NEO1: variants seen among roughly 807,000 people sequenced by gnomAD.
The protein encoded by NEO1 is neogenin 1.
NEO1 carries 63 observed loss-of-function variants against 159.7 expected under a neutral mutation model. The ratio of observed to expected loss-of-function variants is 0.39; its 90% confidence interval spans 0.32 to 0.49. NEO1 has a LOEUF of 0.49. NEO1 is among the 20% of genes least tolerant of loss of function. NEO1 has a pLI of 0.85. For synonymous variants in NEO1, 633 were observed against 662.0 expected, an observed-to-expected ratio of 0.96 and a Z score of 0.67; for missense variants, 1,615 against 1,831.0, an observed-to-expected ratio of 0.88 and a Z score of 2.15.
intron 16 of NEO1, among the ~76,000 whole-genome samples, chr15:73,268,516 A>G (rs1471333081): frequency 2.0e-5 from 3 of 152,230 alleles, no homozygotes; most frequent in Admixed American, 2.0e-4. Context: ...TCTTGGTTAT[A>G]TAATGTATGC....
chr15:73,220,624 T>A (rs1159219536), intron 7 of NEO1, among the ~76,000 whole-genome samples: 2 of 152,204 alleles, frequency 1.3e-5, no homozygotes, highest in African/African-American at 4.8e-5. Flanking sequence ...GATTTGTTCG[T>A]TTCTTTTTAT....
intron 7 of NEO1, among the ~76,000 whole-genome samples, chr15:73,206,831 G>T (rs1378674608): frequency 2.6e-5 from 1 of 39,116 alleles, no homozygotes; most frequent in Non-Finnish European, 1.1e-4. Flanking sequence ...TCGTGTGTGT[G>T]TGTATGTGTG....
At chr15:73,288,931 T>C in intron 24 of NEO1, 1 of 572,344 alleles carries the variant, frequency 1.7e-6, no homozygotes, top group Non-Finnish European at 3.1e-6. Context: ...CTGTGAAGTA[T>C]GGTGGGCAGC....
intron 5 of NEO1, among the ~76,000 whole-genome samples, chr15:73,174,837 A>G (rs2035190697): frequency 6.6e-6 from 1 of 152,226 alleles, no homozygotes; most frequent in African/African-American, 2.4e-5. Context: ...CATTGTTTGA[A>G]AGGATCAAGT....
Position 73,305,021 on chromosome 15 carries a change from G to A in NEO1, c.*2325G>A, listed in dbSNP as rs1187746671. 2.0e-5 allele frequency: 3 copies of A among 152,134 alleles called. No individual in the cohort carries two copies. Among genetic ancestry groups the A allele is most frequent in the Non-Finnish European group, 4.4e-5 (3 of 68,064 alleles). 9.4% of individuals were successfully genotyped at this position (152,134 alleles called of 1,614,324 possible). A position where few individuals can be genotyped will look rare whatever the true frequency, so the allele number is the denominator to read the frequency against. On this transcript the variant is annotated 3_prime_UTR_variant, in exon 29 of 29. Coordinates refer to ENST00000261908, the MANE Select transcript of NEO1 (RefSeq NM_002499.4). Reference sequence around the variant, plus strand: ...CTCAGCAGCTTCCTCGGGGGGATTTGGAACACCTGTGTCTGTCGCCGCACT... The same window carrying A: ...CTCAGCAGCTTCCTCGGGGGGATTTAGAACACCTGTGTCTGTCGCCGCACT...
chr15:73,062,023 A>G (rs1477874139), intron 1 of NEO1, among the ~76,000 whole-genome samples: 1 of 152,258 alleles, frequency 6.6e-6, no homozygotes, highest in Non-Finnish European at 1.5e-5. Context: ...CACATGTGCA[A>G]GTAAACCATA....
chr15:73,051,948 G>C (rs945994259), upstream of NEO1: 1 of 152,496 alleles, frequency 6.6e-6, no homozygotes, highest in Admixed American at 6.5e-5. Context: ...TGAGCTCGGA[G>C]CGCCTCTCGC....
rs376957301 is a variant in NEO1, at chr15:73,270,369, A to G, written c.2772A>G (p.Thr924=). Residue 924 remains threonine, a synonymous_variant, in exon 18 of 29, where the codon ACA becomes ACG. Coordinates refer to ENST00000261908, the MANE Select transcript of NEO1 (RefSeq NM_002499.4). ...SYLVTGLKPN[T]LYEFSVMVTK... ...TGGTGACTGGTTTAAAGCCGAATAC[A>G]CTCTATGAATTCTCTGTGATGGTGA... The G allele has an allele frequency of 9.3e-6, 15 of 1,614,058 alleles. No homozygotes were observed. Among genetic ancestry groups the G allele is most frequent in the Admixed American group, 6.7e-5 (4 of 60,008 alleles).
intron 1 of NEO1, among the ~76,000 whole-genome samples, chr15:73,100,510 T>C (rs1005424458): frequency 6.6e-6 from 1 of 152,052 alleles, no homozygotes; most frequent in Non-Finnish European, 1.5e-5. Context: ...GATTTTTGTA[T>C]TTTTTGTAGA....
chr15:73,094,143 T>A (rs2069863423), intron 1 of NEO1, among the ~76,000 whole-genome samples: 1 of 152,204 alleles, frequency 6.6e-6, no homozygotes, highest in African/African-American at 2.4e-5. Context: ...GCTTTTGATA[T>A]ATTCACAGAT....
chr15:73,274,792 GTTTCT>G, intron 21 of NEO1, 68 bp downstream of exon 21: 1 of 1,210,752 alleles, frequency 8.3e-7, no homozygotes, highest in Non-Finnish European at 1.1e-6. Context: ...TTTGGTTTTT[GTTTCT>G]TTTTTTTTTT....
In NEO1 at chr15:73,232,576, G is replaced by A. The variant is rs2038965244; in HGVS notation, c.1292-3771G>A. Among the ~76,000 whole-genome samples the A allele has an allele frequency of 2.0e-5, 3 of 152,200 alleles. 1 individual carries two copies. The highest frequency in any genetic ancestry group is 2.0e-4 in the Admixed American group (3 of 15,280). ...CAGGTTTCATCTGCCGGGGGTGTGT[G>A]AGTGGCTTGGGCCTGCTGCAGTCCC... On this transcript the variant is annotated intron_variant, in intron 7 of 28. Transcript: ENST00000261908.
rs894248317 is a variant in NEO1 at position 73,138,769 on chromosome 15, A to C, written c.1015+2742A>C. Among the ~76,000 whole-genome samples, 7 of 150,634 alleles carry C rather than the reference A, an allele frequency of 4.6e-5. No individual in the cohort carries two copies. In the South Asian group the frequency reaches 8.4e-4, roughly 18 times the overall value. ...AGACTCCGTCTCAAAAAAAAAAAAAAAACAAAAAAACAAAAAAACAAAGGG... is the reference window on the plus strand; with the variant it reads ...AGACTCCGTCTCAAAAAAAAAAAAACAACAAAAAAACAAAAAAACAAAGGG... On this transcript the variant is annotated intron_variant, in intron 5 of 28. Transcript: ENST00000261908.
chr15:73,263,272 C>T (rs553980631), intron 15 of NEO1, among the ~76,000 whole-genome samples: 93 of 151,154 alleles, frequency 6.2e-4, no homozygotes, highest in Non-Finnish European at 5.7e-4. Context: ...CAGCTCACTG[C>T]AACCTCCACC....
chr15:73,170,255 T>A (rs1224187358), intron 5 of NEO1, among the ~76,000 whole-genome samples: 1 of 152,206 alleles, frequency 6.6e-6, no homozygotes, highest in Non-Finnish European at 1.5e-5. Context: ...AGATGTTTAT[T>A]CTGAGACTAT....
At chr15:73,111,982 T>TG (rs2071020836) in intron 1 of NEO1, among the ~76,000 whole-genome samples, 3 of 152,118 alleles carry the variant, frequency 2.0e-5, no homozygotes, top group Non-Finnish European at 4.4e-5. Flanking sequence ...ATTTTTGTCA[T>TG]GGAACTATTT....
Position 73,066,936 on chromosome 15 carries a change from G to A in NEO1, c.130+14131G>A, listed in dbSNP as rs149371335. Among the ~76,000 whole-genome samples, 9 of 152,256 alleles carry A rather than the reference G, an allele frequency of 5.9e-5. No individual in the cohort carries two copies. In the East Asian group the frequency reaches 1.7e-3, roughly 29 times the overall value. On this transcript the variant is annotated intron_variant, in intron 1 of 28. Coordinates refer to ENST00000261908, the MANE Select transcript of NEO1 (RefSeq NM_002499.4). ...CATCTTGGTTCCTCAATTCCTCATT[G>A]CCTTGATTGCCTTTACACAGATATT...
chr15:73,228,413 T>C (rs1234448733), intron 7 of NEO1, among the ~76,000 whole-genome samples: 1 of 152,034 alleles, frequency 6.6e-6, no homozygotes, highest in African/African-American at 2.4e-5. Context: ...TTTTTTAACT[T>C]TGGTTGTTTT....
intron 12 of NEO1, 53 bp downstream of exon 12, chr15:73,253,502 A>T: frequency 7.9e-7 from 1 of 1,270,990 alleles, no homozygotes; most frequent in Non-Finnish European, 1.1e-6. Context: ...GTTGCGCCTC[A>T]GAGGGGCTTA....
Sources: allele counts gnomAD v4.1 joint callset (sites outside exome capture counted in the v4.1 genomes callset), GRCh38; gene constraint gnomAD v4.1.1; transcripts MANE v1.5; gene names NCBI Gene and HGNC (gene_info 2026-07-23, HGNC 2026-07-21).